KCMF1: variants seen among roughly 807,000 people sequenced by gnomAD.
KCMF1 encodes potassium channel modulatory factor 1.
KCMF1 carries 3 observed loss-of-function variants against 41.1 expected under a neutral mutation model. The ratio of observed to expected loss-of-function variants is 0.07; its 90% CI spans 0.03 to 0.19. The LOEUF (loss-of-function observed/expected upper bound fraction) is 0.19, where lower values mean the gene tolerates loss of function less well. KCMF1 is among the 10% of genes least tolerant of loss of function. KCMF1 has a pLI of 1.00. For synonymous variants in KCMF1, 142 were observed against 164.5 expected (o/e 0.86, Z 1.04); for missense variants, 286 against 488.9 (o/e 0.58, Z 3.91).
Position 85,035,136 on chromosome 2 carries a change from C to G in KCMF1, c.305C>G (p.Ala102Gly), listed in dbSNP as rs763490863. 23 of 1,612,362 alleles carry G rather than the reference C, an allele frequency of 1.4e-5. No homozygotes were observed. The highest frequency in any genetic ancestry group is 4.2e-6 in the Non-Finnish European group (5 of 1,179,262). The stretch of plus-strand genomic sequence containing the variant: ...CAAGAACATGTTACTTCTGAACATG[C>G]AGAAACATCAACAGAAGTGGTAAGT... ...SLQEHVTSEH[A>G]ETSTEVICPI... Residue 102 changes from alanine (A) to glycine (G), a missense_variant, in exon 3 of 7, where the codon GCA becomes GGA. Physicochemically the swap from Ala to Gly is moderately conservative, Grantham distance 60. Around this residue, in one of 2 missense-constraint regions of KCMF1, gnomAD observed 95 missense variants for 209.6 expected, o/e 0.45. Transcript: ENST00000409785.
chr2:85,024,583 A>AGAGAGT (rs1219534094), intron 1 of KCMF1, among the ~76,000 whole-genome samples: 17 of 124,322 alleles, frequency 1.4e-4, no homozygotes, highest in South Asian at 8.1e-4. Context: ...AGAGAGAGAG[A>AGAGAGT]GTGTGTGTGT....
intron 1 of KCMF1, among the ~76,000 whole-genome samples, chr2:84,992,325 G>A (rs1349731955): frequency 5.9e-5 from 9 of 151,920 alleles, no homozygotes; most frequent in African/African-American, 1.2e-4. Flanking sequence ...GCGCGATCTC[G>A]GCTCACTGCA....
intron 1 of KCMF1, among the ~76,000 whole-genome samples, chr2:85,017,837 A>G (rs1480939016): frequency 1.3e-5 from 2 of 151,370 alleles, no homozygotes; most frequent in Non-Finnish European, 2.9e-5. Flanking sequence ...AATATTAAAA[A>G]CCTCTTTTAT....
intron 1 of KCMF1, among the ~76,000 whole-genome samples, chr2:84,979,854 C>T (rs1673659833): frequency 1.3e-5 from 2 of 151,722 alleles, no homozygotes; most frequent in Admixed American, 1.3e-4. Flanking sequence ...CCGAGTTTCA[C>T]TATTGTTGCC....
intron 1 of KCMF1, chr2:84,972,192 C>G (rs1224107649): frequency 6.6e-6 from 1 of 152,298 alleles, no homozygotes; most frequent in Non-Finnish European, 1.5e-5. Context: ...CCCTGGTGCC[C>G]TCGCCGGCAT....
At chr2:85,008,362 T>TGA (rs1452767371) in intron 1 of KCMF1, among the ~76,000 whole-genome samples, 524 of 8,180 alleles carry the variant, frequency 0.064, 39 homozygotes, top group African/African-American at 0.09. Context: ...ATAATATATA[T>TGA]TATATATCAT....
chr2:84,994,958 T>C (rs1374209464), intron 1 of KCMF1, among the ~76,000 whole-genome samples: 2 of 152,232 alleles, frequency 1.3e-5, no homozygotes, highest in African/African-American at 2.4e-5. Context: ...AATACATTCT[T>C]TTCATCGCCT....
intron 5 of KCMF1, among the ~76,000 whole-genome samples, chr2:85,048,081 T>C (rs1316505362): frequency 6.6e-6 from 1 of 152,038 alleles, no homozygotes; most frequent in African/African-American, 2.4e-5. Flanking sequence ...GTAACGGACC[T>C]TCACATGTAC....
chr2:84,998,934 C>T lies in KCMF1; in HGVS notation c.16+27467C>T, dbSNP rs1160824863. Reference sequence around the variant, plus strand: ...GCCTCTTACCTATCTATCTATCTATCTATCTATCTATCTATCTATCTATCT... The same window carrying T: ...GCCTCTTACCTATCTATCTATCTATTTATCTATCTATCTATCTATCTATCT... On this transcript the variant is annotated intron_variant, in intron 1 of 6. Transcript: ENST00000409785. 6.7e-4 allele frequency among the ~76,000 whole-genome samples: 59 copies of T among 88,396 alleles called. No homozygotes were observed. The East Asian group carries it at 0.012, about 19-fold the overall frequency. 58.0% of individuals were successfully genotyped at this position (88,396 alleles called of 152,430 possible).
At chr2:84,983,504 GT>G (rs200226032) in intron 1 of KCMF1, among the ~76,000 whole-genome samples, 2 of 151,266 alleles carry the variant, frequency 1.3e-5, no homozygotes, top group Non-Finnish European at 3.0e-5. Flanking sequence ...CTTTTGTTTT[GT>G]TTTTTTTGCT....
At chr2:85,050,348 A>G (rs1032859050) in intron 6 of KCMF1, among the ~76,000 whole-genome samples, 1 of 152,204 alleles carries the variant, frequency 6.6e-6, no homozygotes, top group African/African-American at 2.4e-5. Context: ...GAAGGATTTC[A>G]TAATACAGTG....
In KCMF1 at chr2:85,054,241, A is replaced by G. The variant is rs1351855045; in HGVS notation, c.*832A>G. 1 of 152,180 alleles carries G rather than the reference A, an allele frequency of 6.6e-6. No homozygotes were observed. The highest frequency in any genetic ancestry group is 2.4e-5 in the African/African-American group (1 of 41,444). The allele number at this position is 152,180 out of a possible 1,614,324, so 9.4% of individuals were successfully genotyped here. Reference sequence around the variant, plus strand: ...TTCAATTGTTAAATATGTTTTATTCAGGTGTAGATGAATTTCATTTATTGA... The same window carrying G: ...TTCAATTGTTAAATATGTTTTATTCGGGTGTAGATGAATTTCATTTATTGA... On this transcript the variant is annotated 3_prime_UTR_variant, in exon 7 of 7. Coordinates refer to ENST00000409785, the MANE Select transcript of KCMF1 (RefSeq NM_020122.5).
rs940987997 is a variant in KCMF1, at chr2:85,056,963, G to A, written c.*3554G>A. Reference sequence around the variant, plus strand: ...CGAGGCCGAGGCGGGTGGATCACGAGGTCGAGTTTGAGACCATTTTGGCCA... The same window carrying A: ...CGAGGCCGAGGCGGGTGGATCACGAAGTCGAGTTTGAGACCATTTTGGCCA... On this transcript the variant is annotated 3_prime_UTR_variant, in exon 7 of 7. Transcript: ENST00000409785. 8 of 152,228 alleles carry A rather than the reference G, an allele frequency of 5.3e-5. No homozygotes were observed. The highest frequency in any genetic ancestry group is 1.9e-4 in the African/African-American group (8 of 41,522). 9.4% of individuals were successfully genotyped at this position (152,228 alleles called of 1,614,324 possible).
chr2:85,013,310 C>T (rs1456465805), intron 1 of KCMF1, among the ~76,000 whole-genome samples: 1 of 152,138 alleles, frequency 6.6e-6, no homozygotes, highest in Non-Finnish European at 1.5e-5. Flanking sequence ...TCTTTTCCCA[C>T]CTCAGTACAA....
chr2:85,049,279 G>A, intron 5 of KCMF1, 87 bp from the exon 6 acceptor site: 1 of 1,343,076 alleles, frequency 7.4e-7, no homozygotes, highest in South Asian at 1.3e-5. Context: ...CAATGCTTTT[G>A]ATGTTGTTCC....
chr2:85,015,902 C>T (rs888638225), intron 1 of KCMF1, among the ~76,000 whole-genome samples: 1 of 152,148 alleles, frequency 6.6e-6, no homozygotes, highest in African/African-American at 2.4e-5. Flanking sequence ...TTATTCACTG[C>T]TGTGTCCTCA....
intron 5 of KCMF1, among the ~76,000 whole-genome samples, chr2:85,048,519 TAA>T (rs907946338): frequency 6.6e-6 from 1 of 152,220 alleles, no homozygotes; most frequent in African/African-American, 2.4e-5. Flanking sequence ...GTTTTAATGA[TAA>T]AGAGTTTTTG....
chr2:85,058,595 T>C lies in KCMF1; in HGVS notation c.*5186T>C, dbSNP rs1395597330. The C allele has an allele frequency of 6.6e-6, 1 of 152,206 alleles. No individual in the cohort carries two copies. Among genetic ancestry groups the C allele is most frequent in the Non-Finnish European group, 1.5e-5 (1 of 68,032 alleles). The allele number at this position is 152,206 out of a possible 1,614,324, so 9.4% of individuals were successfully genotyped here. Reference sequence around the variant, plus strand: ...AAACCATCAGTTCGCTGCTCTCTCATTCATACATACTTTTTGAGTTCCCAG... The same window carrying C: ...AAACCATCAGTTCGCTGCTCTCTCACTCATACATACTTTTTGAGTTCCCAG... On this transcript the variant is annotated 3_prime_UTR_variant, in exon 7 of 7. Coordinates refer to ENST00000409785, the MANE Select transcript of KCMF1 (RefSeq NM_020122.5).
chr2:84,975,905 G>A (rs1673532654), intron 1 of KCMF1, among the ~76,000 whole-genome samples: 1 of 152,148 alleles, frequency 6.6e-6, no homozygotes, highest in African/African-American at 2.4e-5. Context: ...TTGATTACCT[G>A]GATCTAGGTA....
Sources: gnomAD v4.1 joint callset for allele counts (sites outside exome capture counted in the v4.1 genomes callset) on GRCh38, gnomAD v4.1.1 for gene constraint, gnomAD v4.1.1 regional missense constraint, MANE v1.5 for transcripts, NCBI Gene and HGNC (gene_info 2026-07-23, HGNC 2026-07-21) for gene names.